Variants in ANGPTL2 observed in about 807,000 individuals in gnomAD.
ANGPTL2 encodes the protein angiopoietin like 2, also known as angiopoietin-related protein 2.
ANGPTL2 carries 25 observed loss-of-function variants against 52.8 expected under a neutral mutation model. The ratio of observed to expected loss-of-function variants is 0.47; its 90% CI spans 0.35 to 0.66. The LOEUF (loss-of-function observed/expected upper bound fraction) is 0.66. Among genes scored for constraint, ANGPTL2 ranks in the 30% least tolerant of loss-of-function variants. ANGPTL2 has a pLI of 0.01. For missense variants in ANGPTL2, 546 were observed against 656.9 expected, an observed-to-expected ratio of 0.83 and a Z score of 1.84; for synonymous variants, 276 against 277.4, an observed-to-expected ratio of 1.00 and a Z score of 0.05.
chr9:127,108,368 G>A lies in ANGPTL2; in HGVS notation c.364C>T (p.Leu122=). The A allele has an allele frequency of 1.2e-6, 2 of 1,610,368 alleles. No individual in the cohort carries two copies. The highest frequency in any genetic ancestry group is 1.7e-6 in the Non-Finnish European group (2 of 1,178,120). Residue 122 remains leucine, a synonymous_variant, in exon 2 of 5, where the codon CTG becomes TTG. Transcript: ENST00000373425. ...ATGTTGCGGCTCTCCTTGCGCAGCAGCTTCACCTCGCTCACAATGCCGCCG... is the reference window on the plus strand; with the variant it reads ...ATGTTGCGGCTCTCCTTGCGCAGCAACTTCACCTCGCTCACAATGCCGCCG... ...VDGGIVSEVK[L]LRKESRNMNS...
At position 127,108,437 on chromosome 9, in the gene ANGPTL2, G is replaced by T; in HGVS notation, c.295C>A (p.Gln99Lys). ...LELLNNELLK[Q>K]KRQIETLQQL... The stretch of plus-strand genomic sequence containing the variant: ...TGCAGCGTCTCGATCTGCCGCTTCT[G>T]CTTGAGCAGCTCATTGTTGAGCAGC... The change falls in exon 2 of 5, where the codon CAG (glutamine) becomes AAG (lysine). Residue 99 changes from glutamine to lysine, a missense_variant. This residue lies in a region of ANGPTL2 where 285 missense variants were observed against 295.8 expected (regional missense o/e 0.96). Coordinates refer to ENST00000373425, the MANE Select transcript of ANGPTL2 (RefSeq NM_012098.3). 2 of 1,609,132 alleles carry T rather than the reference G, an allele frequency of 1.2e-6. No individual in the cohort carries two copies. The highest frequency in any genetic ancestry group is 8.5e-7 in the Non-Finnish European group (1 of 1,179,102).
chr9:127,108,929 A>T (rs1282672671), intron 1 of ANGPTL2, 149 bp from the exon 2 acceptor site: 1 of 601,446 alleles, frequency 1.7e-6, no homozygotes, highest in African/African-American at 1.9e-5. Flanking sequence ...GGAGTCAGAG[A>T]ACAGGCAGCC....
chr9:127,092,019 C>G lies in ANGPTL2; in HGVS notation c.1012-79G>C, dbSNP rs917365006. 3.9e-5 allele frequency: 61 copies of G among 1,550,506 alleles called. No individual in the cohort carries two copies. The Middle Eastern group carries it at 6.0e-4, about 15-fold the overall frequency. On this transcript the variant is annotated intron_variant, in intron 3 of 4. Transcript: ENST00000373425. ...CAGGCTTGGCTGTCAGACACTCAGC[C>G]CTGGATAGAGGGGCCTGGGAAACAA...
At position 127,099,999 on chromosome 9, in the gene ANGPTL2, A is replaced by G. The variant is rs572924590; in HGVS notation, c.818-6073T>C. Among the ~76,000 whole-genome samples the G allele has an allele frequency of 3.9e-5, 6 of 152,306 alleles. No homozygotes were observed. In the South Asian group the frequency reaches 1.0e-3, roughly 26 times the overall value. On this transcript the variant is annotated intron_variant, in intron 2 of 4. Coordinates refer to ENST00000373425, the MANE Select transcript of ANGPTL2 (RefSeq NM_012098.3). ...TATGAAAAGAAAACTGCAAAATCAA[A>G]ATTTATTGTATGTAATTAAATTACT...
At chr9:127,094,813 T>C (rs2136537857) in intron 2 of ANGPTL2, among the ~76,000 whole-genome samples, 1 of 152,360 alleles carries the variant, frequency 6.6e-6, no homozygotes, top group South Asian at 2.1e-4. Flanking sequence ...GGTTCTGTGA[T>C]TCTTTGTGAC....
chr9:127,108,818 A>T, intron 1 of ANGPTL2, 38 bp from the exon 2 acceptor site: 1 of 1,377,210 alleles, frequency 7.3e-7, no homozygotes. Context: ...TGATGGTCCC[A>T]CCACTGTCAG....
chr9:127,093,333 C>T (rs993935580), intron 3 of ANGPTL2, among the ~76,000 whole-genome samples: 2 of 152,184 alleles, frequency 1.3e-5, no homozygotes, highest in African/African-American at 4.8e-5. Context: ...GAACTGGGAG[C>T]CTCTTGGGAC....
chr9:127,114,172 C>T (rs544849641), intron 1 of ANGPTL2, among the ~76,000 whole-genome samples: 1 of 152,324 alleles, frequency 6.6e-6, no homozygotes, highest in Admixed American at 6.5e-5. Flanking sequence ...CCCACTTGAG[C>T]ACTGTGCTAC....
At chr9:127,110,341 G>A (rs1426704933) in intron 1 of ANGPTL2, among the ~76,000 whole-genome samples, 5 of 152,130 alleles carry the variant, frequency 3.3e-5, no homozygotes, top group Admixed American at 6.5e-5. Flanking sequence ...TTTCCAGAGC[G>A]CCACCCTGCC....
chr9:127,108,026 G>A lies in ANGPTL2; in HGVS notation c.706C>T (p.Gln236Ter), dbSNP rs2054391902. The A allele has an allele frequency of 1.1e-5, 17 of 1,609,724 alleles. No individual in the cohort carries two copies. The highest frequency in any genetic ancestry group is 1.4e-5 in the Non-Finnish European group (17 of 1,177,584). Reference protein sequence around the residue: ...QPPTYNRIINQISTNEIQSDQ... With the variant: ...QPPTYNRIIN Reference sequence around the variant, plus strand: ...CTCTGGATCTCGTTGGTAGAGATCTGGTTGATGATGCGGTTGTAGGTGGGT... The same window carrying A: ...CTCTGGATCTCGTTGGTAGAGATCTAGTTGATGATGCGGTTGTAGGTGGGT... The change falls in exon 2 of 5, where the codon CAG (glutamine) becomes TAG (stop). Residue 236 changes from glutamine (Q) to a stop codon, truncating the protein, a stop_gained. Coordinates refer to ENST00000373425, the MANE Select transcript of ANGPTL2 (RefSeq NM_012098.3). LOFTEE classifies it high-confidence loss of function.
At chr9:127,092,269 G>A (rs73591293) in intron 3 of ANGPTL2, among the ~76,000 whole-genome samples, 2,474 of 152,266 alleles carry the variant, frequency 0.016, 76 homozygotes, top group African/African-American at 0.056. Flanking sequence ...AAGTAGGCAC[G>A]CAGCAGGCAT....
At chr9:127,093,639 C>A in intron 3 of ANGPTL2, 94 bp downstream of exon 3, 2 of 1,463,608 alleles carry the variant, frequency 1.4e-6, no homozygotes, top group South Asian at 1.3e-5. Context: ...TCAGCATGTA[C>A]CTCTGAGTGG....
intron 2 of ANGPTL2, among the ~76,000 whole-genome samples, chr9:127,094,809 G>A (rs1349156864): frequency 6.6e-6 from 1 of 152,252 alleles, no homozygotes; most frequent in African/African-American, 2.4e-5. Flanking sequence ...AGAGGGTTCT[G>A]TGATTCTTTG....
chr9:127,091,640 T>C lies in ANGPTL2; in HGVS notation c.1282+30A>G. 6.2e-7 allele frequency: 1 copy of C among 1,603,978 alleles called. No homozygotes were observed. The highest frequency in any genetic ancestry group is 2.2e-5 in the East Asian group (1 of 44,698). ...TCTGGTTGACCTCTTTTCCCTACCC[T>C]GCACCTGGGTTTGACTCCACTTTTC... On this transcript the variant is annotated intron_variant, in intron 4 of 4. Transcript: ENST00000373425. This position sits in a 1 kb window ranked among gnomAD's most constrained non-coding sequence, Gnocchi z 4.3.
At chr9:127,095,835 G>C (rs1161288798) in intron 2 of ANGPTL2, among the ~76,000 whole-genome samples, 2 of 152,228 alleles carry the variant, frequency 1.3e-5, no homozygotes, top group African/African-American at 2.4e-5. Flanking sequence ...CAGGTGGGCT[G>C]TTCCTGAGGA....
At chr9:127,113,301 C>G (rs1285124655) in intron 1 of ANGPTL2, among the ~76,000 whole-genome samples, 1 of 152,174 alleles carries the variant, frequency 6.6e-6, no homozygotes, top group Non-Finnish European at 1.5e-5. Flanking sequence ...AACCTGATAC[C>G]AAGGGCCATG....
intron 4 of ANGPTL2, 56 bp from the exon 5 acceptor site, chr9:127,089,194 C>CTAGGT: frequency 1.9e-6 from 3 of 1,584,970 alleles, no homozygotes; most frequent in Non-Finnish European, 2.6e-6. Context: ...CTACTTGCGT[C>CTAGGT]CATAGTGCTC....
At chr9:127,117,771 A>G (rs2055587867) in intron 1 of ANGPTL2, among the ~76,000 whole-genome samples, 1 of 152,256 alleles carries the variant, frequency 6.6e-6, no homozygotes, top group Admixed American at 6.5e-5. Context: ...TTCGGCAGTA[A>G]CTGAGACAGA....
At chr9:127,098,906 C>G (rs867848480) in intron 2 of ANGPTL2, among the ~76,000 whole-genome samples, 1 of 152,220 alleles carries the variant, frequency 6.6e-6, no homozygotes, top group African/African-American at 2.4e-5. Context: ...CGTCCAGGCC[C>G]TAGTGGAGAA....
Sources: allele counts gnomAD v4.1 joint callset (sites outside exome capture counted in the v4.1 genomes callset), GRCh38; gene constraint gnomAD v4.1.1; regional missense constraint gnomAD v4.1.1; non-coding constraint Gnocchi (gnomAD v3.1); transcripts MANE v1.5; gene names NCBI Gene and HGNC (gene_info 2026-07-23, HGNC 2026-07-21).